SPATA1: variants seen among roughly 807,000 people sequenced by gnomAD.
The protein encoded by SPATA1 is spermatogenesis associated 1, also known as spermatogenesis-associated protein 1.
Under a neutral mutation model 59.6 loss-of-function variants are expected in SPATA1, and 57 were observed. That is an observed-to-expected ratio of 0.96 (90% CI 0.77 to 1.19). The LOEUF (loss-of-function observed/expected upper bound fraction) is 1.19, where lower values mean the gene tolerates loss of function less well. SPATA1 is among the 50% of genes most tolerant of loss of function. SPATA1 has a pLI of 0.00. For missense variants in SPATA1, 448 were observed against 480.7 expected, an observed-to-expected ratio of 0.93 and a Z score of 0.64; for synonymous variants, 147 against 163.9, an observed-to-expected ratio of 0.90 and a Z score of 0.79.
chr1:84,546,540 A>T (rs1684092322), intron 10 of SPATA1, among the ~76,000 whole-genome samples: 1 of 152,066 alleles, frequency 6.6e-6, no homozygotes, highest in Non-Finnish European at 1.5e-5. Flanking sequence ...ACAAAGGGAG[A>T]ACGCCTAAAT....
At chr1:84,522,034 G>A (rs1217164504) in intron 3 of SPATA1, among the ~76,000 whole-genome samples, 1 of 152,110 alleles carries the variant, frequency 6.6e-6, no homozygotes, top group Non-Finnish European at 1.5e-5. Context: ...ATAAATATCT[G>A]TGGCTAAATC....
chr1:84,532,995 T>C (rs772631838), intron 7 of SPATA1, 21 bp downstream of exon 7: 5 of 1,452,048 alleles, frequency 3.4e-6, no homozygotes, highest in Non-Finnish European at 4.7e-6. Flanking sequence ...TAGATGCTGA[T>C]TCCACATGCC....
intron 8 of SPATA1, among the ~76,000 whole-genome samples, chr1:84,541,211 G>A (rs1683887701): frequency 6.6e-6 from 1 of 152,118 alleles, no homozygotes; most frequent in African/African-American, 2.4e-5. Flanking sequence ...GATTTTTCTA[G>A]GTACACAGTG....
intron 6 of SPATA1, among the ~76,000 whole-genome samples, chr1:84,526,859 CTT>C (rs1170091489): frequency 9.9e-6 from 1 of 101,454 alleles, no homozygotes; most frequent in African/African-American, 4.6e-5. Context: ...CAGAGCGAGA[CTT>C]TGTCTCAAAA....
At chr1:84,511,690 T>C (rs1357198984) in intron 1 of SPATA1, among the ~76,000 whole-genome samples, 80 of 144,624 alleles carry the variant, frequency 5.5e-4, no homozygotes, top group East Asian at 1.8e-3. Context: ...TTTTTTTTTT[T>C]TTTTTTTTGA....
intron 8 of SPATA1, among the ~76,000 whole-genome samples, chr1:84,542,071 G>A (rs1683929718): frequency 1.3e-5 from 2 of 152,064 alleles, no homozygotes; most frequent in Non-Finnish European, 2.9e-5. Context: ...CCAGGTTCAA[G>A]CAATTCTCCT....
At chr1:84,543,652 T>C (rs1683983912) in intron 8 of SPATA1, among the ~76,000 whole-genome samples, 1 of 152,004 alleles carries the variant, frequency 6.6e-6, no homozygotes, top group African/African-American at 2.4e-5. Flanking sequence ...CTTCCAACAC[T>C]TAGGGATTAC....
chr1:84,565,453 A>C (rs1380715110), intron 4 of SPATA1, among the ~76,000 whole-genome samples: 1 of 152,196 alleles, frequency 6.6e-6, no homozygotes, highest in Non-Finnish European at 1.5e-5. Context: ...ATTATTTAAC[A>C]CTGGTTATTT....
Position 84,533,964 on chromosome 1 carries a change from T to A in SPATA1, c.717+198T>A, listed in dbSNP as rs1030414120. 3.3e-5 allele frequency among the ~76,000 whole-genome samples: 5 copies of A among 152,090 alleles called. No individual in the cohort carries two copies. The East Asian group carries it at 7.7e-4, about 23-fold the overall frequency. On this transcript the variant is annotated intron_variant, in intron 8 of 12. Transcript: ENST00000490879. ...TGCCCAAATGAGAAGGGGGAAAAGT[T>A]ATCCACCAACACCTTTTTGGATTAT...
chr1:84,554,947 A>T (rs183916139), downstream of SPATA1: 1 of 1,414,752 alleles, frequency 7.1e-7, no homozygotes. Flanking sequence ...AAGAAACTAG[A>T]TCTGTTGATA....
chr1:84,544,510 G>A (rs778022966), intron 9 of SPATA1, among the ~76,000 whole-genome samples: 51 of 152,024 alleles, frequency 3.4e-4, no homozygotes, highest in Non-Finnish European at 7.5e-4. Context: ...GGTACAGTTT[G>A]TTATGTAATA....
chr1:84,543,935 A>C (rs1683994602), intron 8 of SPATA1, among the ~76,000 whole-genome samples: 1 of 152,222 alleles, frequency 6.6e-6, no homozygotes, highest in Non-Finnish European at 1.5e-5. Context: ...GAGACCAGAA[A>C]TCTTGGAAGG....
chr1:84,543,300 C>T (rs770698053), intron 8 of SPATA1, among the ~76,000 whole-genome samples: 1 of 152,246 alleles, frequency 6.6e-6, no homozygotes, highest in African/African-American at 2.4e-5. Flanking sequence ...CATGGTAAGG[C>T]TTGAGGTAAT....
intron 12 of SPATA1, chr1:84,550,971 C>T (rs879465689): frequency 2.3e-4 from 225 of 983,220 alleles, no homozygotes; most frequent in Admixed American, 9.2e-4. Context: ...GTGTCTTCTA[C>T]TAGATGTTAA....
intron 4 of SPATA1, chr1:84,563,219 TAATAG>T: frequency 7.7e-7 from 1 of 1,305,650 alleles, no homozygotes; most frequent in Non-Finnish European, 1.0e-6. Flanking sequence ...TTACAAAAAC[TAATAG>T]AATAAATGCT....
downstream of SPATA1, among the ~76,000 whole-genome samples, chr1:84,557,536 AAAAAAAAAAAAAAAAAAG>A (rs892755761): frequency 7.2e-5 from 6 of 82,850 alleles, no homozygotes; most frequent in South Asian, 4.8e-4. Context: ...TCCATCTCAA[AAAAAAAAAAAAAAAAAAG>A]AAAAAAAAAA....
chr1:84,549,068 A>T, intron 11 of SPATA1, 104 bp downstream of exon 11: 1 of 1,152,770 alleles, frequency 8.7e-7, no homozygotes, highest in Non-Finnish European at 1.2e-6. Flanking sequence ...ACTTTGACTT[A>T]AACTTGCTTA....
chr1:84,540,402 T>C lies in SPATA1; in HGVS notation c.718-3800T>C, dbSNP rs370831773. On this transcript the variant is annotated intron_variant, in intron 8 of 12. Transcript: ENST00000490879. Reference sequence around the variant, plus strand: ...TTTCGGCCCCTCTTTTTTCCTTTTTTAAAAATTTGTCCTTCTGCTTTTGAT... The same window carrying C: ...TTTCGGCCCCTCTTTTTTCCTTTTTCAAAAATTTGTCCTTCTGCTTTTGAT... Among the ~76,000 whole-genome samples, 17 of 152,258 alleles carry C rather than the reference T, an allele frequency of 1.1e-4. No individual in the cohort carries two copies. The South Asian group carries it at 3.5e-3, about 32-fold the overall frequency.
At chr1:84,555,159 G>C (rs763697037), downstream of SPATA1, 13 of 1,613,746 alleles carry the variant, frequency 8.1e-6, no homozygotes, top group South Asian at 1.2e-4. Context: ...AATACTCTGA[G>C]GGTTATCATA....
Sources: gnomAD v4.1 joint callset for allele counts (sites outside exome capture counted in the v4.1 genomes callset) on GRCh38, gnomAD v4.1.1 for gene constraint, MANE v1.5 for transcripts, NCBI Gene and HGNC (gene_info 2026-07-23, HGNC 2026-07-21) for gene names.